The following RPH3A variants were observed in gnomAD, a reference collection of about 807,000 sequenced individuals.
The protein encoded by RPH3A is rabphilin 3A.
A neutral mutation model predicts 102.2 loss-of-function variants in RPH3A; 48 were observed. The observed-to-expected ratio is 0.47, with a 90% confidence interval of 0.37 to 0.60. The LOEUF (loss-of-function observed/expected upper bound fraction) is 0.60. Among genes scored for constraint, RPH3A ranks in the 20% least tolerant of loss-of-function variants. RPH3A has a pLI of 0.00. For synonymous variants in RPH3A, 310 were observed against 324.3 expected (o/e 0.96, Z 0.47); for missense variants, 781 against 910.1 (o/e 0.86, Z 1.83).
chr12:112,652,294 A>G (rs955906254), intron 1 of RPH3A, among the ~76,000 whole-genome samples: 2 of 152,012 alleles, frequency 1.3e-5, no homozygotes, highest in African/African-American at 4.8e-5. Flanking sequence ...TGGGCAACAT[A>G]GTGAGACTCT....
In RPH3A at chr12:112,778,421, G is replaced by A. The variant is rs147137453; in HGVS notation, c.-139-13722G>A. On this transcript the variant is annotated intron_variant, in intron 1 of 21. Coordinates refer to the RPH3A transcript ENST00000543106. The stretch of plus-strand genomic sequence containing the variant: ...TTTTGCCCATCCTCGATGTTTACTT[G>A]ACTTTGTAGTTCCAGAAGCCATAAT... Among the ~76,000 whole-genome samples the A allele has an allele frequency of 3.8e-3, 583 of 152,256 alleles. 3 individuals are homozygous for A. The highest frequency in any genetic ancestry group is 0.013 in the African/African-American group (555 of 41,564).
intron 1 of RPH3A, among the ~76,000 whole-genome samples, chr12:112,741,511 G>T (rs926512478): frequency 6.6e-6 from 1 of 152,184 alleles, no homozygotes; most frequent in Non-Finnish European, 1.5e-5. Flanking sequence ...GCTTTAATGA[G>T]AGTTTGGGGA....
chr12:112,833,787 T>C (rs2042008422), intron 3 of RPH3A, among the ~76,000 whole-genome samples: 2 of 151,626 alleles, frequency 1.3e-5, no homozygotes, highest in African/African-American at 4.8e-5. Flanking sequence ...CGGAGTGCAA[T>C]AGCACAACCA....
At chr12:112,855,230 T>C (rs937718047) in intron 5 of RPH3A, among the ~76,000 whole-genome samples, 1 of 152,226 alleles carries the variant, frequency 6.6e-6, no homozygotes, top group African/African-American at 2.4e-5. Flanking sequence ...GTGCCTTGGT[T>C]TCCCCATCTG....
intron 1 of RPH3A, among the ~76,000 whole-genome samples, chr12:112,606,372 G>A (rs1399238561): frequency 6.6e-6 from 1 of 151,996 alleles, no homozygotes; most frequent in South Asian, 2.1e-4. Flanking sequence ...AAAGAAAATA[G>A]GGTTTTTGTT....
At chr12:112,862,397 C>T (rs1307922425) in intron 5 of RPH3A, among the ~76,000 whole-genome samples, 1 of 152,034 alleles carries the variant, frequency 6.6e-6, no homozygotes, top group Non-Finnish European at 1.5e-5. Context: ...AGAGCAAGGC[C>T]CTATCTCTAA....
chr12:112,676,458 C>T (rs1357630921), intron 1 of RPH3A, among the ~76,000 whole-genome samples: 1 of 152,222 alleles, frequency 6.6e-6, no homozygotes, highest in Non-Finnish European at 1.5e-5. Flanking sequence ...TTCTCCCCAG[C>T]AGGGTTAAAC....
At chr12:112,861,433 G>C (rs1216455216) in intron 5 of RPH3A, among the ~76,000 whole-genome samples, 1 of 152,140 alleles carries the variant, frequency 6.6e-6, no homozygotes, top group Non-Finnish European at 1.5e-5. Flanking sequence ...ATGATTCAAG[G>C]GCCCTTGGTG....
At position 112,686,803 on chromosome 12, in the gene RPH3A, C is replaced by A. The variant is rs543916306; in HGVS notation, c.-139-105340C>A. ...TATGCAGCAATAGATCACTGGTATG[C>A]CATGGCTCTATACATTTTCAGTTTT... On this transcript the variant is annotated intron_variant, in intron 1 of 21. Coordinates refer to the RPH3A transcript ENST00000543106. Among the ~76,000 whole-genome samples the A allele has an allele frequency of 2.8e-4, 43 of 152,296 alleles. 1 individual carries two copies. Among genetic ancestry groups the A allele is most frequent in the African/African-American group, 1.0e-3 (43 of 41,562 alleles).
chr12:112,870,160 T>G (rs1283793182), intron 10 of RPH3A, 121 bp downstream of exon 10: 2 of 992,602 alleles, frequency 2.0e-6, no homozygotes, highest in Non-Finnish European at 2.9e-6. Flanking sequence ...CTGTGTGCCG[T>G]GTTCTATTCC....
intron 2 of RPH3A, among the ~76,000 whole-genome samples, chr12:112,807,170 G>A (rs2041485487): frequency 6.6e-6 from 1 of 152,030 alleles, no homozygotes. Flanking sequence ...CTCACAAGCA[G>A]AAGGGTGACC....
rs142493651 is a variant in RPH3A, at chr12:112,584,827, T to C, written c.-140+9508T>C. On this transcript the variant is annotated intron_variant, in intron 1 of 21. Transcript: ENST00000543106. Reference sequence around the variant, plus strand: ...GTGCAGAGGGACGGTGTATTAGGGTTCTCTAGAGGGACAGGATTAATAGGA... The same window carrying C: ...GTGCAGAGGGACGGTGTATTAGGGTCCTCTAGAGGGACAGGATTAATAGGA... Among the ~76,000 whole-genome samples, 30 of 152,272 alleles carry C rather than the reference T, an allele frequency of 2.0e-4. No individual in the cohort carries two copies. In the East Asian group the frequency reaches 5.2e-3, roughly 26 times the overall value.
intron 1 of RPH3A, among the ~76,000 whole-genome samples, chr12:112,629,700 C>T (rs2039790719): frequency 6.6e-6 from 1 of 151,812 alleles, no homozygotes; most frequent in Admixed American, 6.6e-5. Context: ...TGGTCTGAAA[C>T]CCCTAGCCTC....
intron 1 of RPH3A, among the ~76,000 whole-genome samples, chr12:112,690,753 A>G (rs1299746431): frequency 6.6e-6 from 1 of 152,190 alleles, no homozygotes; most frequent in African/African-American, 2.4e-5. Flanking sequence ...GGGAAGAGCA[A>G]ATGGATTTCC....
chr12:112,752,687 T>C (rs2040792977), intron 1 of RPH3A, among the ~76,000 whole-genome samples: 1 of 151,420 alleles, frequency 6.6e-6, no homozygotes, highest in Admixed American at 6.6e-5. Flanking sequence ...AATGTATACA[T>C]ATATTTTTCT....
At chr12:112,744,217 AG>A (rs2040728639) in intron 1 of RPH3A, among the ~76,000 whole-genome samples, 1 of 152,116 alleles carries the variant, frequency 6.6e-6, no homozygotes, top group African/African-American at 2.4e-5. Context: ...CTGGGATTAC[AG>A]GCACCTGCTA....
At chr12:112,813,625 C>T (rs1242091288) in intron 2 of RPH3A, among the ~76,000 whole-genome samples, 3 of 152,130 alleles carry the variant, frequency 2.0e-5, no homozygotes, top group Non-Finnish European at 2.9e-5. Context: ...GGGAGAGGTG[C>T]GGTTCTGGAA....
intron 10 of RPH3A, among the ~76,000 whole-genome samples, chr12:112,872,495 G>A (rs144141401): frequency 6.6e-6 from 1 of 152,020 alleles, no homozygotes; most frequent in Non-Finnish European, 1.5e-5. Context: ...CTTATTTCAT[G>A]GGTTGTTTTT....
chr12:112,797,124 G>A (rs1441316489), intron 2 of RPH3A, among the ~76,000 whole-genome samples: 1 of 152,090 alleles, frequency 6.6e-6, no homozygotes, highest in East Asian at 1.9e-4. Flanking sequence ...GGGGGGCTGT[G>A]GTACAAAGAG....
Sources: allele counts gnomAD v4.1 joint callset (sites outside exome capture counted in the v4.1 genomes callset), GRCh38; gene constraint gnomAD v4.1.1; transcripts MANE v1.5; gene names NCBI Gene and HGNC (gene_info 2026-07-23, HGNC 2026-07-21).